GABRB1: variants seen among roughly 807,000 people sequenced by gnomAD.
The protein encoded by GABRB1 is gamma-aminobutyric acid type A receptor subunit beta1, also known as gamma-aminobutyric acid receptor subunit beta-1.
GABRB1 carries 17 observed loss-of-function variants against 51.6 expected under a neutral mutation model. The observed-to-expected ratio is 0.33, with a 90% confidence interval of 0.23 to 0.49. The LOEUF (loss-of-function observed/expected upper bound fraction) is 0.49. Among genes scored for constraint, GABRB1 ranks in the 20% least tolerant of loss-of-function variants. The pLI is 0.99. For missense variants in GABRB1, 410 were observed against 600.6 expected, an observed-to-expected ratio of 0.68 and a Z score of 3.32; for synonymous variants, 247 against 218.9, an observed-to-expected ratio of 1.13 and a Z score of -1.14.
chr4:47,377,686 G>A (rs760495297), intron 5 of GABRB1, among the ~76,000 whole-genome samples: 3 of 152,044 alleles, frequency 2.0e-5, no homozygotes, highest in Non-Finnish European at 4.4e-5. Flanking sequence ...TTTTGACAGG[G>A]CGCTGATTGG....
chr4:47,293,182 C>T (rs755489334), intron 4 of GABRB1, among the ~76,000 whole-genome samples: 1 of 150,172 alleles, frequency 6.7e-6, no homozygotes, highest in Non-Finnish European at 1.5e-5. Flanking sequence ...GCTCTTGTCG[C>T]CCATGCTGGA....
chr4:47,010,283 A>G (rs1248019367), intron 1 of GABRB1, among the ~76,000 whole-genome samples: 1 of 152,258 alleles, frequency 6.6e-6, no homozygotes, highest in Non-Finnish European at 1.5e-5. Flanking sequence ...AAACTATAAT[A>G]AAATATAGCC....
At chr4:47,107,901 A>G (rs533197866) in intron 3 of GABRB1, among the ~76,000 whole-genome samples, 1 of 152,200 alleles carries the variant, frequency 6.6e-6, no homozygotes, top group East Asian at 1.9e-4. Flanking sequence ...AATGACAGAG[A>G]AACCCAGAAA....
At chr4:47,172,981 C>T (rs1457882443) in intron 4 of GABRB1, among the ~76,000 whole-genome samples, 1 of 152,046 alleles carries the variant, frequency 6.6e-6, no homozygotes, top group Non-Finnish European at 1.5e-5. Flanking sequence ...GTAGAGCCCA[C>T]CTGTAACAAA....
intron 4 of GABRB1, among the ~76,000 whole-genome samples, chr4:47,238,287 C>A (rs1252182442): frequency 6.6e-6 from 1 of 151,992 alleles, no homozygotes; most frequent in African/African-American, 2.4e-5. Flanking sequence ...CATGTATGAT[C>A]ATTATACCGA....
intron 3 of GABRB1, among the ~76,000 whole-genome samples, chr4:47,054,194 G>A (rs1726483011): frequency 6.6e-6 from 1 of 151,906 alleles, no homozygotes; most frequent in Admixed American, 6.6e-5. Context: ...GCTCCTGAGT[G>A]GTCTGATACT....
At chr4:47,267,491 G>T (rs1400409642) in intron 4 of GABRB1, among the ~76,000 whole-genome samples, 1 of 151,468 alleles carries the variant, frequency 6.6e-6, no homozygotes, top group Non-Finnish European at 1.5e-5. Flanking sequence ...GTTTCATAGA[G>T]AATAAGAAAA....
chr4:47,091,283 T>C (rs989123289), intron 3 of GABRB1, among the ~76,000 whole-genome samples: 2 of 152,180 alleles, frequency 1.3e-5, no homozygotes, highest in Non-Finnish European at 2.9e-5. Context: ...CATTATATTG[T>C]ATTTTTTATT....
At chr4:47,237,208 C>T (rs929980591) in intron 4 of GABRB1, among the ~76,000 whole-genome samples, 9 of 151,876 alleles carry the variant, frequency 5.9e-5, no homozygotes, top group African/African-American at 1.9e-4. Flanking sequence ...TGGAGTACAT[C>T]AGATCTAGTT....
chr4:47,215,752 T>A (rs1403706124), intron 4 of GABRB1, among the ~76,000 whole-genome samples: 1 of 152,118 alleles, frequency 6.6e-6, no homozygotes, highest in Non-Finnish European at 1.5e-5. Context: ...ATGTAGTAAC[T>A]TATTTACAAG....
intron 8 of GABRB1, among the ~76,000 whole-genome samples, chr4:47,412,069 A>G (rs1216167443): frequency 1.3e-5 from 2 of 152,122 alleles, no homozygotes; most frequent in Non-Finnish European, 2.9e-5. Flanking sequence ...TTGATTTATT[A>G]TTTGGTATCG....
intron 3 of GABRB1, among the ~76,000 whole-genome samples, chr4:47,111,891 T>G (rs1287125954): frequency 6.6e-6 from 1 of 152,126 alleles, no homozygotes; most frequent in Non-Finnish European, 1.5e-5. Context: ...AATTTTCTTA[T>G]GTTTAATTTT....
chr4:46,999,205 T>A (rs900875601), intron 1 of GABRB1, among the ~76,000 whole-genome samples: 1 of 152,154 alleles, frequency 6.6e-6, no homozygotes, highest in African/African-American at 2.4e-5. Context: ...GGAGGTATGA[T>A]TCATTTGATG....
rs36206411 is a variant in GABRB1, at chr4:47,312,037, TTGTGTGTGTGTG to T, written c.462-8067_462-8056del. 7.2e-3 allele frequency among the ~76,000 whole-genome samples: 1,007 copies of T among 140,554 alleles called. 12 individuals are homozygous for T. Among genetic ancestry groups the T allele is most frequent in the African/African-American group, 0.023 (908 of 40,222 alleles). 92.2% of individuals were successfully genotyped at this position (140,554 alleles called of 152,430 possible). On this transcript the variant is annotated intron_variant, in intron 4 of 8. Transcript: ENST00000295454. The stretch of plus-strand genomic sequence containing the variant: ...TAAAAATAAAACATTTACCCAAGGC[TTGTGTGTGTGTG>T]TGTGTGTGTGTGTGTGTGTGTGCGC...
At chr4:47,007,262 G>A (rs1362674847) in intron 1 of GABRB1, among the ~76,000 whole-genome samples, 2 of 152,168 alleles carry the variant, frequency 1.3e-5, no homozygotes, top group Non-Finnish European at 2.9e-5. Context: ...TGCTTTATCT[G>A]TAAAATGTAT....
intron 4 of GABRB1, among the ~76,000 whole-genome samples, chr4:47,243,025 C>T (rs1206758168): frequency 6.6e-6 from 1 of 152,168 alleles, no homozygotes; most frequent in Non-Finnish European, 1.5e-5. Flanking sequence ...TTAGGTCTGA[C>T]ATTTAAGTCT....
intron 4 of GABRB1, among the ~76,000 whole-genome samples, chr4:47,219,418 C>A (rs1340494915): frequency 1.3e-5 from 2 of 151,790 alleles, no homozygotes; most frequent in Non-Finnish European, 2.9e-5. Context: ...AAATATAAAG[C>A]ACTAAAATAA....
intron 3 of GABRB1, among the ~76,000 whole-genome samples, chr4:47,046,362 T>C: frequency 6.6e-6 from 1 of 152,120 alleles, no homozygotes; most frequent in Admixed American, 6.6e-5. Flanking sequence ...AACAAAAATA[T>C]TATTTATCTG....
At chr4:47,028,794 T>C (rs1468120349), upstream of GABRB1, among the ~76,000 whole-genome samples, 1 of 148,612 alleles carries the variant, frequency 6.7e-6, no homozygotes, top group African/African-American at 2.5e-5. Context: ...TATGTATATG[T>C]GTATATATGT....
Sources: allele counts gnomAD v4.1 joint callset (sites outside exome capture counted in the v4.1 genomes callset), GRCh38; gene constraint gnomAD v4.1.1; transcripts MANE v1.5; gene names NCBI Gene and HGNC (gene_info 2026-07-23, HGNC 2026-07-21).